Variants in SLC45A4 observed in about 807,000 individuals in gnomAD.
SLC45A4 encodes solute carrier family 45 member 4.
A neutral mutation model predicts 63.7 loss-of-function variants in SLC45A4; 32 were observed. The ratio of observed to expected loss-of-function variants is 0.50; its 90% CI spans 0.38 to 0.67. The LOEUF (loss-of-function observed/expected upper bound fraction) is 0.67. Among genes scored for constraint, SLC45A4 ranks in the 30% least tolerant of loss-of-function variants. SLC45A4 has a pLI of 0.00. For missense variants in SLC45A4, 1,027 were observed against 1,157.7 expected (o/e 0.89, Z 1.64); for synonymous variants, 535 against 510.0 (o/e 1.05, Z -0.66).
intron 7 of SLC45A4, 69 bp from the exon 8 acceptor site, chr8:141,212,625 T>A (rs1338978164): frequency 2.0e-6 from 3 of 1,490,534 alleles, no homozygotes; most frequent in Non-Finnish European, 2.7e-6. Context: ...TTCACAACTG[T>A]GAGTATTAAC....
intron 1 of SLC45A4, among the ~76,000 whole-genome samples, chr8:141,255,427 A>G (rs551665853): frequency 2.0e-5 from 3 of 152,328 alleles, no homozygotes; most frequent in African/African-American, 7.2e-5. Context: ...AATTAAAAAT[A>G]AAAAGCAGCT....
intron 1 of SLC45A4, among the ~76,000 whole-genome samples, chr8:141,269,282 C>A (rs141968289): frequency 9.2e-5 from 14 of 152,346 alleles, no homozygotes; most frequent in Non-Finnish European, 1.2e-4. Flanking sequence ...CTTCTGATAA[C>A]CGTCTTTGTG....
intron 7 of SLC45A4, 52 bp from the exon 8 acceptor site, chr8:141,212,608 C>A: frequency 6.5e-7 from 1 of 1,530,070 alleles, no homozygotes; most frequent in Non-Finnish European, 8.8e-7. Flanking sequence ...GTGGCTGCTA[C>A]CCGTGCTTCA....
In SLC45A4 at chr8:141,254,877, C is replaced by A; in HGVS notation, c.-400-248G>T. 2.4e-6 allele frequency: 1 copy of A among 409,042 alleles called. No homozygotes were observed. The highest frequency in any genetic ancestry group is 4.7e-6 in the Non-Finnish European group (1 of 211,258). 25.3% of individuals were successfully genotyped at this position (409,042 alleles called of 1,614,324 possible). On this transcript the variant is annotated intron_variant, in intron 1 of 8. Coordinates refer to ENST00000517878, the MANE Select transcript of SLC45A4 (RefSeq NM_001286646.2). The surrounding 1 kb of genome is among the most constrained non-coding windows in gnomAD (Gnocchi z 4.5). ...GTGGGGCAATCAAGGAAAGCAGGAT[C>A]AAAGAACAGACAGAGAAAAACGCTG...
chr8:141,218,201 C>G lies in SLC45A4; in HGVS notation c.1439G>C (p.Ser480Thr). The G allele has an allele frequency of 6.2e-7, 1 of 1,603,440 alleles. No individual in the cohort carries two copies. ...CCCCTCCTCACTCTCGGTGTCCCCG[C>G]TGGAGGTGGTGGCCCCGCTCTGGTT... Reference protein sequence around the residue: ...HRNQSGATTSSGDTESEEGEG... With the variant: ...HRNQSGATTSTGDTESEEGEG... Residue 480 changes from serine (S) to threonine (T), a missense_variant, in exon 5 of 9, where the codon AGC becomes ACC. Transcript: ENST00000517878.
At chr8:141,246,733 T>C (rs1167031247) in intron 2 of SLC45A4, among the ~76,000 whole-genome samples, 1 of 152,122 alleles carries the variant, frequency 6.6e-6, no homozygotes, top group Admixed American at 6.5e-5. Context: ...AACAGCAAAT[T>C]TATTAGAAAT....
intron 1 of SLC45A4, among the ~76,000 whole-genome samples, chr8:141,255,010 A>G (rs1019194199): frequency 1.3e-5 from 2 of 152,182 alleles, no homozygotes; most frequent in Non-Finnish European, 2.9e-5. Context: ...GTGGCTGCAG[A>G]TATCATGAAA....
intron 1 of SLC45A4, among the ~76,000 whole-genome samples, chr8:141,262,043 A>G (rs1207235856): frequency 6.6e-6 from 1 of 152,218 alleles, no homozygotes; most frequent in African/African-American, 2.4e-5. Context: ...AACAGAACAG[A>G]GCCCTCAGAA....
chr8:141,264,409 G>T (rs181989221), intron 1 of SLC45A4, among the ~76,000 whole-genome samples: 1 of 152,150 alleles, frequency 6.6e-6, no homozygotes, highest in African/African-American at 2.4e-5. Context: ...CTACCTAGCC[G>T]CGGGAGGCAG....
intron 1 of SLC45A4, among the ~76,000 whole-genome samples, chr8:141,257,882 T>C (rs1828866095): frequency 6.6e-6 from 1 of 152,168 alleles, no homozygotes; most frequent in African/African-American, 2.4e-5. Flanking sequence ...TCTAGGGTTA[T>C]TACTAAATAG....
Position 141,211,341 on chromosome 8 carries a change from A to C in SLC45A4, c.*231T>G. 1 of 1,350,322 alleles carries C rather than the reference A, an allele frequency of 7.4e-7. No individual in the cohort carries two copies. The highest frequency in any genetic ancestry group is 2.7e-4 in the Middle Eastern group (1 of 3,652). The allele number at this position is 1,350,322 out of a possible 1,614,324, so 83.6% of individuals were successfully genotyped here. ...GGGTCACATGGCTGGGCGCAGACAC[A>C]CTCACACGCGCACGCAGGAGCTCGT... On this transcript the variant is annotated 3_prime_UTR_variant, in exon 9 of 9. Coordinates refer to ENST00000517878, the MANE Select transcript of SLC45A4 (RefSeq NM_001286646.2).
At position 141,215,754 on chromosome 8, in the gene SLC45A4, C is replaced by T. The variant is rs780461763; in HGVS notation, c.1941+5G>A. ...GCGCAGATCTCAGGGCTACGGTGGA[C>T]GCACCTGCTTGATGTCATGGTACTG... On this transcript the variant is annotated splice_donor_5th_base_variant and intron_variant, in intron 7 of 8. Transcript: ENST00000517878. The surrounding 1 kb of genome is among the most constrained non-coding windows in gnomAD (Gnocchi z 4.3). 1.4e-5 allele frequency: 22 copies of T among 1,612,462 alleles called. No homozygotes were observed. Among genetic ancestry groups the T allele is most frequent in the South Asian group, 2.2e-5 (2 of 91,074 alleles).
chr8:141,291,809 C>T (rs1830357004), intron 1 of SLC45A4, among the ~76,000 whole-genome samples: 1 of 152,164 alleles, frequency 6.6e-6, no homozygotes, highest in Admixed American at 6.5e-5. Flanking sequence ...TTAACTCATG[C>T]ATTTTGAAAA....
At chr8:141,253,402 T>C (rs1466486882) in intron 2 of SLC45A4, 1 of 209,168 alleles carries the variant, frequency 4.8e-6, no homozygotes. Flanking sequence ...TGGAAATGCC[T>C]GTCTCTGAGC....
At chr8:141,307,355 G>A (rs1412558493) in intron 1 of SLC45A4, among the ~76,000 whole-genome samples, 2 of 152,182 alleles carry the variant, frequency 1.3e-5, no homozygotes, top group African/African-American at 2.4e-5. Flanking sequence ...CAGGGACAAG[G>A]TCGGTCTCAG....
intron 1 of SLC45A4, among the ~76,000 whole-genome samples, chr8:141,285,649 G>A (rs13267656): frequency 1.3e-5 from 2 of 152,130 alleles, no homozygotes; most frequent in Non-Finnish European, 2.9e-5. Flanking sequence ...CGCACCCCAA[G>A]TTAGGGAAGC....
chr8:141,261,860 C>T (rs199526580), intron 1 of SLC45A4, among the ~76,000 whole-genome samples: 56 of 152,272 alleles, frequency 3.7e-4, no homozygotes, highest in Non-Finnish European at 7.3e-4. Context: ...CTTCACATAA[C>T]TGGAAAAAAC....
At chr8:141,307,575 A>T (rs1338098110) in intron 1 of SLC45A4, among the ~76,000 whole-genome samples, 1 of 151,810 alleles carries the variant, frequency 6.6e-6, no homozygotes. Flanking sequence ...GGTTGGGAGG[A>T]CCGGTCCAGA....
chr8:141,226,587 G>C (rs1162787304), intron 2 of SLC45A4: 1 of 152,572 alleles, frequency 6.6e-6, no homozygotes. Context: ...AGGGTTGCCA[G>C]GGTCGCAGGC....
Sources: allele counts gnomAD v4.1 joint callset (sites outside exome capture counted in the v4.1 genomes callset), GRCh38; gene constraint gnomAD v4.1.1; non-coding constraint Gnocchi (gnomAD v3.1); transcripts MANE v1.5; gene names NCBI Gene and HGNC (gene_info 2026-07-23, HGNC 2026-07-21).